The following NRG4 variants were observed in gnomAD, a reference collection of about 807,000 sequenced individuals.
The protein encoded by NRG4 is pro-neuregulin-4, membrane-bound isoform.
A neutral mutation model predicts 15.0 loss-of-function variants in NRG4; 10 were observed. The ratio of observed to expected loss-of-function variants is 0.67; its 90% CI spans 0.41 to 1.13. The LOEUF (loss-of-function observed/expected upper bound fraction) is 1.13, where lower values mean the gene tolerates loss of function less well. NRG4 is among the 50% of genes most tolerant of loss of function. The pLI is 0.00. For synonymous variants in NRG4, 41 were observed against 50.1 expected, an observed-to-expected ratio of 0.82 and a Z score of 0.77; for missense variants, 139 against 140.2, an observed-to-expected ratio of 0.99 and a Z score of 0.04.
chr15:76,043,661 T>G (rs1019054234), intron 4 of NRG4, among the ~76,000 whole-genome samples: 1 of 152,224 alleles, frequency 6.6e-6, no homozygotes, highest in Non-Finnish European at 1.5e-5. Context: ...TGGAATGATA[T>G]TTCATGTTCA....
chr15:75,953,155 C>T (rs2032014235), intron 5 of NRG4, among the ~76,000 whole-genome samples: 1 of 152,074 alleles, frequency 6.6e-6, no homozygotes, highest in African/African-American at 2.4e-5. Context: ...GGTTTTAGCT[C>T]TTATATTTAG....
downstream of NRG4, chr15:75,940,093 A>G (rs2030782552): frequency 6.9e-6 from 1 of 145,836 alleles, no homozygotes; most frequent in African/African-American, 2.5e-5. Context: ...ATCTTTAGAC[A>G]ACCCGAAAGA....
At chr15:75,981,483 C>A (rs975014849) in intron 3 of NRG4, among the ~76,000 whole-genome samples, 16 of 152,046 alleles carry the variant, frequency 1.1e-4, no homozygotes, top group African/African-American at 3.6e-4. Context: ...ACAGATAATC[C>A]TAGAAGTAAG....
chr15:75,988,858 T>C (rs1238247599), intron 3 of NRG4, among the ~76,000 whole-genome samples: 1 of 147,306 alleles, frequency 6.8e-6, no homozygotes, highest in African/African-American at 2.5e-5. Flanking sequence ...CCTTCCTTTT[T>C]TTTTTTTTTT....
At chr15:76,037,899 C>T (rs2035631746) in intron 4 of NRG4, among the ~76,000 whole-genome samples, 1 of 152,148 alleles carries the variant, frequency 6.6e-6, no homozygotes, top group African/African-American at 2.4e-5. Context: ...GCACCTTGGA[C>T]ACCAGCTCAG....
At position 75,955,975 on chromosome 15, in the gene NRG4, A is replaced by T; in HGVS notation, c.288T>A (p.Tyr96Ter). Residue 96 changes from tyrosine (Y) to a stop codon, truncating the protein, a stop_gained, in exon 5 of 6, where the codon TAT becomes TAA. Coordinates refer to ENST00000394907, the MANE Select transcript of NRG4 (RefSeq NM_138573.4). LOFTEE classifies it high-confidence loss of function. ...GHFQRASSVQYDINLVETSST... is the reference protein window; with the variant it reads ...GHFQRASSVQ Reference sequence around the variant, plus strand: ...TGCTCGTCTCTACCAGGTTGATATCATACTGGACTGAACTGGCTCTCTGAA... The same window carrying T: ...TGCTCGTCTCTACCAGGTTGATATCTTACTGGACTGAACTGGCTCTCTGAA... The T allele has an allele frequency of 6.2e-7, 1 of 1,612,210 alleles. No homozygotes were observed.
At chr15:75,950,251 T>C (rs1186978924) in intron 5 of NRG4, among the ~76,000 whole-genome samples, 2 of 152,228 alleles carry the variant, frequency 1.3e-5, no homozygotes, top group Admixed American at 1.3e-4. Context: ...TTTTTTAAAT[T>C]TCCATATCTA....
At chr15:76,053,741 A>G (rs1472165727) in intron 2 of NRG4, among the ~76,000 whole-genome samples, 1 of 150,556 alleles carries the variant, frequency 6.6e-6, no homozygotes, top group African/African-American at 2.5e-5. Context: ...TTTTTAGTAG[A>G]GACAGGGTTT....
At chr15:76,042,806 A>C (rs1003795359) in intron 4 of NRG4, among the ~76,000 whole-genome samples, 2 of 152,162 alleles carry the variant, frequency 1.3e-5, no homozygotes, top group African/African-American at 4.8e-5. Context: ...AGCTCATTCT[A>C]CAAGGTCAGT....
At chr15:75,960,040 TTC>T (rs1178526095) in intron 4 of NRG4, among the ~76,000 whole-genome samples, 2 of 152,204 alleles carry the variant, frequency 1.3e-5, no homozygotes, top group African/African-American at 4.8e-5. Context: ...AGAAATAATC[TTC>T]TGTTTATTAA....
intron 3 of NRG4, among the ~76,000 whole-genome samples, chr15:75,987,878 T>A (rs1374739351): frequency 1.3e-5 from 2 of 152,214 alleles, no homozygotes; most frequent in Non-Finnish European, 2.9e-5. Context: ...ACTATCTAGA[T>A]GCTTCAATAA....
chr15:75,976,468 G>A (rs976910243), intron 3 of NRG4, among the ~76,000 whole-genome samples: 4 of 152,086 alleles, frequency 2.6e-5, no homozygotes, highest in East Asian at 3.9e-4. Context: ...CCTCATCTTC[G>A]TGGATTTATC....
chr15:76,026,855 G>A (rs569708937), intron 5 of NRG4, among the ~76,000 whole-genome samples: 3 of 152,298 alleles, frequency 2.0e-5, no homozygotes, highest in Admixed American at 6.5e-5. Context: ...AGGTGTGGTG[G>A]CTCACGCCTG....
At chr15:75,991,601 A>G (rs4886753) in intron 3 of NRG4, among the ~76,000 whole-genome samples, 121,513 of 151,664 alleles carry the variant, frequency 0.8, 49,052 homozygotes, top group South Asian at 0.9. Flanking sequence ...GTTGACAGTG[A>G]TTCTTCATTC....
chr15:75,968,210 A>G (rs1261510802), intron 3 of NRG4, among the ~76,000 whole-genome samples: 1 of 152,188 alleles, frequency 6.6e-6, no homozygotes, highest in Non-Finnish European at 1.5e-5. Context: ...TTCTTTCTCC[A>G]TATTAACAAA....
chr15:75,963,182 A>C (rs1300208663), intron 3 of NRG4, among the ~76,000 whole-genome samples: 1 of 152,226 alleles, frequency 6.6e-6, no homozygotes, highest in East Asian at 1.9e-4. Context: ...ATGAACTTCA[A>C]GTCCTACTCA....
At chr15:76,013,162 T>C (rs1317793709), upstream of NRG4, among the ~76,000 whole-genome samples, 1 of 152,146 alleles carries the variant, frequency 6.6e-6, no homozygotes, top group Non-Finnish European at 1.5e-5. Context: ...AACTAATAAG[T>C]TTGTTTTGTT....
chr15:75,939,390 A>G (rs1595927631), downstream of NRG4: 3 of 152,306 alleles, frequency 2.0e-5, no homozygotes, highest in Admixed American at 2.0e-4. Flanking sequence ...AAATCTCAAT[A>G]GAACTATAAC....
rs140107188 is a variant in NRG4 at position 75,991,028 on chromosome 15, T to G, written c.104+18172A>C. The stretch of plus-strand genomic sequence containing the variant: ...AGCTATGAGTTTATTAATTTTTATA[T>G]AATCTTTTCAAGGTATCCATTTCCA... On this transcript the variant is annotated intron_variant, in intron 3 of 5. Coordinates refer to ENST00000394907, the MANE Select transcript of NRG4 (RefSeq NM_138573.4). Among the ~76,000 whole-genome samples the G allele has an allele frequency of 4.3e-3, 654 of 152,272 alleles. 13 individuals carry two copies. The highest frequency in any genetic ancestry group is 0.015 in the African/African-American group (619 of 41,554).
Sources: gnomAD v4.1 joint callset for allele counts (sites outside exome capture counted in the v4.1 genomes callset) on GRCh38, gnomAD v4.1.1 for gene constraint, MANE v1.5 for transcripts, NCBI Gene and HGNC (gene_info 2026-07-23, HGNC 2026-07-21) for gene names.